Variants in DRC11 observed in about 807,000 individuals in gnomAD.
The protein encoded by DRC11 is dynein regulatory complex subunit 11.
At chr2:236,400,929 C>T in the DRC11 span, among the ~76,000 whole-genome samples, 1 of 152,190 alleles carries the variant, frequency 6.6e-6, no homozygotes, top group Non-Finnish European at 1.5e-5. The surrounding 1 kb of genome is among the most constrained non-coding windows in gnomAD (Gnocchi z 7.9). Context: ...CTGCTTCTGC[C>T]TCCAGTCCCA....
At chr2:236,353,451 T>G in the DRC11 span, among the ~76,000 whole-genome samples, 1 of 152,170 alleles carries the variant, frequency 6.6e-6, no homozygotes, top group African/African-American at 2.4e-5. This position sits in a 1 kb window ranked among gnomAD's most constrained non-coding sequence, Gnocchi z 5.0. Flanking sequence ...AATTAGATTC[T>G]CAGGGGATAA....
chr2:236,381,471 G>A, the DRC11 span, among the ~76,000 whole-genome samples: 10 of 151,098 alleles, frequency 6.6e-5, no homozygotes, highest in Middle Eastern at 3.2e-3. This position sits in a 1 kb window ranked among gnomAD's most constrained non-coding sequence, Gnocchi z 5.8. Context: ...GTACCCAATC[G>A]CCTTTCGCAG....
At chr2:236,322,229 C>CTTTTTTTTTTTTTTTTTTTTTTTTTTTTT in the DRC11 span, among the ~76,000 whole-genome samples, 1 of 98,542 alleles carries the variant, frequency 1.0e-5, no homozygotes, top group African/African-American at 4.2e-5. Context: ...TTTCTTTCCT[C>CTTTTTTTTTTTTTTTTTTTTTTTTTTTTT]TTTTTTTTTT....
At chr2:236,469,212 T>G in the DRC11 span, among the ~76,000 whole-genome samples, 1 of 152,226 alleles carries the variant, frequency 6.6e-6, no homozygotes, top group Non-Finnish European at 1.5e-5. This position sits in a 1 kb window ranked among gnomAD's most constrained non-coding sequence, Gnocchi z 5.8. Flanking sequence ...TTTATTTATT[T>G]ATTTAGTTTT....
the DRC11 span, among the ~76,000 whole-genome samples, chr2:236,358,082 TATAG>T: frequency 1.7e-4 from 21 of 120,796 alleles, no homozygotes; most frequent in South Asian, 1.8e-3. Flanking sequence ...ATTTATAATA[TATAG>T]ATATATACCA....
chr2:236,356,901 ATATT>A, the DRC11 span, among the ~76,000 whole-genome samples: 1 of 129,698 alleles, frequency 7.7e-6, no homozygotes, highest in Non-Finnish European at 1.6e-5. Flanking sequence ...TATAATATGT[ATATT>A]TATATATTAT....
the DRC11 span, chr2:236,408,920 C>G: frequency 3.0e-6 from 2 of 671,652 alleles, no homozygotes; most frequent in East Asian, 5.8e-5. This position sits in a 1 kb window ranked among gnomAD's most constrained non-coding sequence, Gnocchi z 5.5. Context: ...CGATGTGGGT[C>G]ATGCCAACCT....
the DRC11 span, among the ~76,000 whole-genome samples, chr2:236,370,985 T>C: frequency 6.6e-6 from 1 of 152,172 alleles, no homozygotes; most frequent in Non-Finnish European, 1.5e-5. This position sits in a 1 kb window ranked among gnomAD's most constrained non-coding sequence, Gnocchi z 5.5. Context: ...TCAATGGTGT[T>C]GAGGACAGAG....
chr2:236,440,403 T>C, the DRC11 span, among the ~76,000 whole-genome samples: 1 of 152,226 alleles, frequency 6.6e-6, no homozygotes, highest in African/African-American at 2.4e-5. Flanking sequence ...TGCCTCATCA[T>C]TGAGTATAAT....
At chr2:236,419,919 C>G in the DRC11 span, among the ~76,000 whole-genome samples, 1 of 152,204 alleles carries the variant, frequency 6.6e-6, no homozygotes, top group African/African-American at 2.4e-5. The surrounding 1 kb of genome is among the most constrained non-coding windows in gnomAD (Gnocchi z 4.8). Flanking sequence ...TCACTCACTG[C>G]CATAGAGAGC....
At chr2:236,412,880 A>G in the DRC11 span, 1 of 152,364 alleles carries the variant, frequency 6.6e-6, no homozygotes, top group African/African-American at 2.4e-5. Context: ...CTGTAGGGGA[A>G]TAGGCTGTAG....
the DRC11 span, chr2:236,408,957 A>G: frequency 2.8e-6 from 2 of 707,158 alleles, no homozygotes; most frequent in Non-Finnish European, 5.3e-6. The surrounding 1 kb of genome is among the most constrained non-coding windows in gnomAD (Gnocchi z 5.5). Context: ...TGCGAAGTGG[A>G]CCGGCTTGGA....
the DRC11 span, among the ~76,000 whole-genome samples, chr2:236,480,998 T>C: frequency 1.3e-5 from 2 of 152,358 alleles, no homozygotes; most frequent in Admixed American, 6.5e-5. Flanking sequence ...TTTGGAGTGA[T>C]GCCTGGCCCA....
the DRC11 span, among the ~76,000 whole-genome samples, chr2:236,371,179 C>T: frequency 6.6e-6 from 1 of 152,074 alleles, no homozygotes; most frequent in Non-Finnish European, 1.5e-5. This position sits in a 1 kb window ranked among gnomAD's most constrained non-coding sequence, Gnocchi z 5.1. Context: ...CCACATCCAC[C>T]CTCTCTCATC....
chr2:236,308,380 A>G, the DRC11 span, among the ~76,000 whole-genome samples: 1 of 152,224 alleles, frequency 6.6e-6, no homozygotes, highest in East Asian at 1.9e-4. The surrounding 1 kb of genome is among the most constrained non-coding windows in gnomAD (Gnocchi z 6.0). Context: ...TATTCTTCAC[A>G]TCACCTTCTG....
chr2:236,495,478 T>C, the DRC11 span, among the ~76,000 whole-genome samples: 1 of 152,212 alleles, frequency 6.6e-6, no homozygotes, highest in Non-Finnish European at 1.5e-5. This position sits in a 1 kb window ranked among gnomAD's most constrained non-coding sequence, Gnocchi z 5.6. Flanking sequence ...CCTTGAGGTT[T>C]CTCATTCCCT....
chr2:236,459,673 G>GTATATATGTATATACATATATACA, the DRC11 span, among the ~76,000 whole-genome samples: 2 of 141,060 alleles, frequency 1.4e-5, no homozygotes, highest in Non-Finnish European at 3.1e-5. Context: ...ACGTATATAC[G>GTATATATGTATATACATATATACA]TATATATGTA....
the DRC11 span, chr2:236,493,967 A>T: frequency 8.1e-7 from 1 of 1,235,502 alleles, no homozygotes; most frequent in African/African-American, 1.6e-5. Context: ...TACAGTAAGG[A>T]CGTGCACATC....
chr2:236,403,342 G>C, the DRC11 span, among the ~76,000 whole-genome samples: 267 of 152,088 alleles, frequency 1.8e-3, no homozygotes, highest in African/African-American at 6.2e-3. Flanking sequence ...AGAAGAGGGA[G>C]GAAAAGAGAG....
Sources: gnomAD v4.1 joint callset for allele counts (sites outside exome capture counted in the v4.1 genomes callset) on GRCh38, gnomAD v4.1.1 for gene constraint, Gnocchi (gnomAD v3.1) non-coding constraint, MANE v1.5 for transcripts, NCBI Gene and HGNC (gene_info 2026-07-23, HGNC 2026-07-21) for gene names.